LARP1: variants seen among roughly 807,000 people sequenced by gnomAD.
LARP1 encodes the protein la-related protein 1.
Under a neutral mutation model 122.7 loss-of-function variants are expected in LARP1, and 36 were observed. That is an observed-to-expected ratio of 0.29 (90% CI 0.22 to 0.39). The LOEUF (loss-of-function observed/expected upper bound fraction) is 0.39. Ranked by LOEUF, LARP1 falls within the 10% of genes least tolerant of loss-of-function variation. The pLI is 1.00. For missense variants in LARP1, 1,040 were observed against 1,403.6 expected, an observed-to-expected ratio of 0.74 and a Z score of 4.14; for synonymous variants, 539 against 528.7, an observed-to-expected ratio of 1.02 and a Z score of -0.27.
intron 1 of LARP1, among the ~76,000 whole-genome samples, chr5:154,760,233 G>A (rs775116772): frequency 1.3e-5 from 2 of 152,136 alleles, no homozygotes; most frequent in African/African-American, 4.8e-5. Context: ...GTGAGCCACC[G>A]CGCCCGGCCC....
At chr5:154,690,569 T>G (rs1754144326) in intron 1 of LARP1, among the ~76,000 whole-genome samples, 3 of 152,120 alleles carry the variant, frequency 2.0e-5, no homozygotes, top group Admixed American at 1.3e-4. Flanking sequence ...GGCAGAGACT[T>G]GAACTCGGTC....
At chr5:154,812,510 C>A in intron 18 of LARP1, among the ~76,000 whole-genome samples, 2 of 74,222 alleles carry the variant, frequency 2.7e-5, no homozygotes, top group African/African-American at 1.1e-4. Context: ...TAAAAGCCCC[C>A]CCCCCCCACC....
chr5:154,718,531 G>A (rs1387301534), intron 1 of LARP1: 2 of 152,198 alleles, frequency 1.3e-5, no homozygotes, highest in Admixed American at 1.3e-4. Context: ...GCAACCTGGT[G>A]GCCCCCCACT....
chr5:154,723,496 A>G (rs1315002755), intron 1 of LARP1, among the ~76,000 whole-genome samples: 6 of 152,106 alleles, frequency 3.9e-5, no homozygotes, highest in African/African-American at 1.4e-4. Flanking sequence ...AACATGAGTT[A>G]TTTTAGGGGT....
At position 154,755,978 on chromosome 5, in the gene LARP1, A is replaced by G; in HGVS notation, c.221A>G (p.Glu74Gly). 1 of 1,003,916 alleles carries G rather than the reference A, an allele frequency of 1.0e-6. No individual in the cohort carries two copies. Among genetic ancestry groups the G allele is most frequent in the Non-Finnish European group, 1.2e-6 (1 of 844,054 alleles). 62.2% of individuals were successfully genotyped at this position (1,003,916 alleles called of 1,614,324 possible). ...HKEGTGQQERESPRPLQLPGA... is the reference protein window; with the variant it reads ...HKEGTGQQERGSPRPLQLPGA... ...GAGGGCACCGGGCAGCAGGAGCGCG[A>G]GAGCCCGCGGCCGCTGCAGCTGCCC... Residue 74 changes from glutamate to glycine, a missense_variant, in exon 1 of 19, where the codon GAG becomes GGG. Physicochemically the swap from Glu to Gly is moderately conservative, Grantham distance 98 (BLOSUM62 -2). Coordinates refer to ENST00000518297, the MANE Select transcript of LARP1 (RefSeq NM_033551.3).
exon 1 of LARP1, chr5:154,713,036 C>T (rs1251743562): frequency 1.9e-6 from 3 of 1,614,214 alleles, no homozygotes; most frequent in Non-Finnish European, 2.5e-6. Flanking sequence ...GGAGGAAAAA[C>T]AGCGTGGCCT....
At chr5:154,683,010 C>G (rs577354707) in exon 1 of LARP1, among the ~76,000 whole-genome samples, 2 of 152,214 alleles carry the variant, frequency 1.3e-5, no homozygotes, top group South Asian at 2.1e-4. Flanking sequence ...GCGGCGCTGC[C>G]GGCCGTGCTG....
rs536563827 is a variant in LARP1, at chr5:154,805,706, A to T, written c.2547-175A>T. 32 of 649,488 alleles carry T rather than the reference A, an allele frequency of 4.9e-5. No homozygotes were observed. The East Asian group carries it at 8.2e-4, about 17-fold the overall frequency. The allele number at this position is 649,488 out of a possible 1,614,324, so 40.2% of individuals were successfully genotyped here. A position where few individuals can be genotyped will look rare whatever the true frequency, so the allele number is the denominator to read the frequency against. On this transcript the variant is annotated intron_variant, in intron 14 of 18. Coordinates refer to ENST00000518297, the MANE Select transcript of LARP1 (RefSeq NM_033551.3). The stretch of plus-strand genomic sequence containing the variant: ...CCTCTGTAAAACTCTCTGAGAGTTG[A>T]TGCAGAGTTAATCAGACCCATGGAT...
upstream of LARP1, among the ~76,000 whole-genome samples, chr5:154,708,425 G>T (rs1755052482): frequency 6.6e-6 from 1 of 152,118 alleles, no homozygotes; most frequent in African/African-American, 2.4e-5. Flanking sequence ...TTTTCTAAAA[G>T]AAATCTCTTG....
intron 1 of LARP1, chr5:154,685,991 A>C: frequency 2.2e-6 from 1 of 465,058 alleles, no homozygotes; most frequent in Admixed American, 2.8e-5. Flanking sequence ...TAACCCCATA[A>C]AACTCATCAC....
intron 1 of LARP1, among the ~76,000 whole-genome samples, chr5:154,777,976 T>G (rs952046944): frequency 1.3e-5 from 2 of 152,142 alleles, no homozygotes; most frequent in African/African-American, 4.8e-5. Context: ...GTTTAAGAAG[T>G]GCAGGATGGG....
intron 8 of LARP1, among the ~76,000 whole-genome samples, chr5:154,795,941 ATT>A: frequency 8.4e-6 from 1 of 118,834 alleles, no homozygotes; most frequent in Non-Finnish European, 1.6e-5. Flanking sequence ...TATATTATAT[ATT>A]TATATATTAT....
At position 154,814,170 on chromosome 5, in the gene LARP1, C is replaced by T; in HGVS notation, c.*74C>T. The stretch of plus-strand genomic sequence containing the variant: ...AAGAGTCCATGGGGGTGCCCAGTCC[C>T]AGGAAAGGGGACAATGAAGGGACAG... On this transcript the variant is annotated 3_prime_UTR_variant, in exon 19 of 19. Transcript: ENST00000518297. 1 of 1,455,870 alleles carries T rather than the reference C, an allele frequency of 6.9e-7. No individual in the cohort carries two copies. The highest frequency in any genetic ancestry group is 9.5e-7 in the Non-Finnish European group (1 of 1,054,588). 90.2% of individuals were successfully genotyped at this position (1,455,870 alleles called of 1,614,324 possible).
intron 14 of LARP1, chr5:154,804,945 T>C (rs79998175): frequency 0.1 from 46,586 of 455,924 alleles, 2,908 homozygotes; most frequent in African/African-American, 0.19. Flanking sequence ...GGTGCCCAGC[T>C]GCACACAGTT....
At chr5:154,733,269 A>C (rs965109882) in intron 1 of LARP1, among the ~76,000 whole-genome samples, 1 of 152,226 alleles carries the variant, frequency 6.6e-6, no homozygotes, top group Non-Finnish European at 1.5e-5. Context: ...AAGTTACGAC[A>C]CCGTGTTGGT....
intron 1 of LARP1, among the ~76,000 whole-genome samples, chr5:154,692,015 C>T (rs1472666245): frequency 6.6e-6 from 1 of 152,162 alleles, no homozygotes; most frequent in East Asian, 1.9e-4. Context: ...TGGTCTTGAA[C>T]ATCTGACCTC....
At chr5:154,687,542 C>T (rs1261863889) in intron 1 of LARP1, among the ~76,000 whole-genome samples, 5 of 152,162 alleles carry the variant, frequency 3.3e-5, no homozygotes, top group Non-Finnish European at 5.9e-5. Flanking sequence ...CCACCACACT[C>T]GGCTAATTTT....
chr5:154,757,738 G>A (rs1447343367), intron 1 of LARP1, among the ~76,000 whole-genome samples: 1 of 151,258 alleles, frequency 6.6e-6, no homozygotes, highest in Non-Finnish European at 1.5e-5. Context: ...TGGAGGAGGG[G>A]ACATTTGGGG....
chr5:154,790,535 C>G (rs1757256775), intron 2 of LARP1, 110 bp from the exon 3 acceptor site: 1 of 1,337,574 alleles, frequency 7.5e-7, no homozygotes, highest in Non-Finnish European at 1.1e-6. Context: ...GTGAATGGTC[C>G]TGGTGAACAG....
Sources: allele counts gnomAD v4.1 joint callset (sites outside exome capture counted in the v4.1 genomes callset), GRCh38; gene constraint gnomAD v4.1.1; transcripts MANE v1.5; gene names NCBI Gene and HGNC (gene_info 2026-07-23, HGNC 2026-07-21).